The following ORC1 variants were observed in gnomAD, a reference collection of about 807,000 sequenced individuals.
ORC1 encodes origin recognition complex, subunit 1 homolog.
Under a neutral mutation model 98.9 loss-of-function variants are expected in ORC1, and 61 were observed. The ratio of observed to expected loss-of-function variants is 0.62; its 90% CI spans 0.50 to 0.76. The LOEUF (loss-of-function observed/expected upper bound fraction) is 0.76, where lower values mean the gene tolerates loss of function less well. Among genes scored for constraint, ORC1 ranks in the 30% least tolerant of loss-of-function variants. The pLI is 0.00. For missense variants in ORC1, 979 were observed against 1,072.2 expected (o/e 0.91, Z 1.21); for synonymous variants, 385 against 406.9 (o/e 0.95, Z 0.65).
intron 12 of ORC1, 56 bp downstream of exon 12, chr1:52,383,774 A>C: frequency 1.4e-6 from 2 of 1,468,966 alleles, no homozygotes; most frequent in South Asian, 1.1e-5. Context: ...CCCATCCAGC[A>C]CTTGCTCCTG....
chr1:52,382,916 G>C (rs1194025733), intron 13 of ORC1, among the ~76,000 whole-genome samples: 1 of 151,858 alleles, frequency 6.6e-6, no homozygotes, highest in African/African-American at 2.4e-5. Context: ...AACCTCCATG[G>C]TTTGGTGCAG....
upstream of ORC1, chr1:52,404,988 T>C (rs1185552188): frequency 1.8e-5 from 24 of 1,346,086 alleles, no homozygotes; most frequent in Non-Finnish European, 2.5e-5. Flanking sequence ...TGGAACGGAG[T>C]ATGTCGATCA....
At position 52,397,834 on chromosome 1, in the gene ORC1, G is replaced by A. The variant is rs750208642; in HGVS notation, c.253C>T (p.Arg85Ter). ...DSDPPPKKRA[R>*]VQWFVRFCEV... ...CAGAATCGGACAAACCACTGTACTC[G>A]AGCACGTTTCTTAGGAGGAGGATCA... Residue 85 changes from arginine (R) to a stop codon, truncating the protein, a stop_gained, in exon 4 of 17, where the codon CGA (arginine) becomes TGA (stop). Transcript: ENST00000371568. LOFTEE classifies it high-confidence loss of function. 3 of 1,614,206 alleles carry A rather than the reference G, an allele frequency of 1.9e-6. No homozygotes were observed. The highest frequency in any genetic ancestry group is 2.2e-5 in the East Asian group (1 of 44,886).
intron 16 of ORC1, among the ~76,000 whole-genome samples, chr1:52,374,372 T>A (rs1335852545): frequency 6.6e-6 from 1 of 152,246 alleles, no homozygotes; most frequent in African/African-American, 2.4e-5. Flanking sequence ...CAATTCATCT[T>A]CCAAGGCAGC....
At chr1:52,402,017 TCTC>T in intron 2 of ORC1, 109 bp downstream of exon 2, 2 of 826,134 alleles carry the variant, frequency 2.4e-6, no homozygotes, top group Non-Finnish European at 4.2e-6. Flanking sequence ...TCAGTTCTAA[TCTC>T]CTGTTCATTC....
intron 2 of ORC1, 77 bp downstream of exon 2, chr1:52,402,052 G>C: frequency 1.6e-5 from 16 of 1,032,234 alleles, no homozygotes; most frequent in Non-Finnish European, 2.4e-5. Context: ...GTAGTAATTA[G>C]AACAGGCTAG....
chr1:52,385,042 G>T, intron 10 of ORC1, 119 bp downstream of exon 10: 2 of 795,402 alleles, frequency 2.5e-6, no homozygotes, highest in Admixed American at 3.6e-5. Context: ...CTTCAGCAAC[G>T]ATTTGGTCTA....
Position 52,384,766 on chromosome 1 carries a change from A to C in ORC1, c.1584-45T>G. ...CCCGTGGGGTAGGTCTCAGCCAGCC[A>C]CTACACGTTATAATCAGTTAGGAGT... is the stretch of plus-strand genomic sequence containing the variant. On this transcript the variant is annotated intron_variant, in intron 10 of 16. Transcript: ENST00000371568. 2.0e-6 allele frequency: 3 copies of C among 1,513,918 alleles called. No homozygotes were observed. The Admixed American group carries it at 5.3e-5, about 27-fold the overall frequency. The allele number at this position is 1,513,918 out of a possible 1,614,324, so 93.8% of individuals were successfully genotyped here. A position where few individuals can be genotyped will look rare whatever the true frequency, so the allele number is the denominator to read the frequency against.
chr1:52,386,339 G>T (rs1457423386), intron 8 of ORC1, among the ~76,000 whole-genome samples: 2 of 152,166 alleles, frequency 1.3e-5, no homozygotes, highest in African/African-American at 4.8e-5. Flanking sequence ...TGATTCATTA[G>T]ATCTTTCCCT....
chr1:52,401,306 C>T, intron 3 of ORC1, 56 bp downstream of exon 3: 3 of 1,608,968 alleles, frequency 1.9e-6, no homozygotes, highest in East Asian at 4.5e-5. Flanking sequence ...CACAATCTCC[C>T]CACCTCCCAA....
In ORC1 at chr1:52,385,881, TG is replaced by T. The variant is rs1255836298; in HGVS notation, c.1451del (p.Pro484GlnfsTer10). On this transcript the variant is annotated frameshift_variant, in exon 9 of 17. Transcript: ENST00000371568. LOFTEE classifies it high-confidence loss of function. ...IRSRSLAAQE[P>X]ASVLEEARLR... ...GTCGGGCTTCCTCCAGCACACTGGC[TG>T]GCTCCTGGGCAGCCAGGCTTCGACT... The T allele has an allele frequency of 6.2e-7, 1 of 1,613,834 alleles. No homozygotes were observed. The highest frequency in any genetic ancestry group is 2.2e-5 in the East Asian group (1 of 44,880).
At chr1:52,390,783 T>G (rs934186092) in intron 6 of ORC1, among the ~76,000 whole-genome samples, 3 of 151,360 alleles carry the variant, frequency 2.0e-5, no homozygotes, top group African/African-American at 4.9e-5. Context: ...TCTCAGCTAC[T>G]CGGGAGGCTG....
chr1:52,400,660 G>C (rs72899853), intron 3 of ORC1, among the ~76,000 whole-genome samples: 9,391 of 152,248 alleles, frequency 0.062, 314 homozygotes, highest in African/African-American at 0.087. Context: ...TTGTGGAGCT[G>C]TGCCCCACTC....
chr1:52,391,802 G>A (rs1647217193), intron 6 of ORC1, among the ~76,000 whole-genome samples: 1 of 151,642 alleles, frequency 6.6e-6, no homozygotes, highest in South Asian at 2.1e-4. Flanking sequence ...GGAGGTTGAG[G>A]CAGGAGAATT....
chr1:52,386,866 G>C (rs1313764353), intron 8 of ORC1, among the ~76,000 whole-genome samples: 3 of 152,016 alleles, frequency 2.0e-5, no homozygotes, highest in African/African-American at 4.8e-5. Context: ...TGGAAGGATC[G>C]CTTGAGCCCA....
intron 6 of ORC1, among the ~76,000 whole-genome samples, chr1:52,390,487 C>G (rs1375104054): frequency 6.6e-6 from 1 of 152,174 alleles, no homozygotes; most frequent in Non-Finnish European, 1.5e-5. Flanking sequence ...GAATAATTGG[C>G]AAGCCACATG....
chr1:52,384,190 C>T (rs1399694392), intron 11 of ORC1, among the ~76,000 whole-genome samples: 1 of 152,214 alleles, frequency 6.6e-6, no homozygotes, highest in Non-Finnish European at 1.5e-5. Context: ...ATCACTATTA[C>T]AGAATTCTAT....
chr1:52,408,348 T>C (rs1208820838), upstream of ORC1: 6 of 674,370 alleles, frequency 8.9e-6, no homozygotes, highest in Admixed American at 1.0e-4. Flanking sequence ...TTGATCAATA[T>C]GTATGATGTT....
upstream of ORC1, among the ~76,000 whole-genome samples, chr1:52,409,226 A>C (rs994495018): frequency 1.2e-4 from 18 of 152,222 alleles, no homozygotes; most frequent in African/African-American, 4.3e-4. Flanking sequence ...GATTCCAGGT[A>C]ATGCAGTCAA....
Sources: allele counts gnomAD v4.1 joint callset (sites outside exome capture counted in the v4.1 genomes callset), GRCh38; gene constraint gnomAD v4.1.1; transcripts MANE v1.5; gene names NCBI Gene and HGNC (gene_info 2026-07-23, HGNC 2026-07-21).